TACC1: variants seen among roughly 807,000 people sequenced by gnomAD.
TACC1 encodes transforming acidic coiled-coil containing protein 1.
TACC1 carries 48 observed loss-of-function variants against 84.4 expected under a neutral mutation model. That is an observed-to-expected ratio of 0.57 (90% CI 0.45 to 0.72). The LOEUF (loss-of-function observed/expected upper bound fraction) is 0.72, where lower values mean the gene tolerates loss of function less well. Among genes scored for constraint, TACC1 ranks in the 30% least tolerant of loss-of-function variants. TACC1 has a pLI of 0.00. For synonymous variants in TACC1, 372 were observed against 376.3 expected, an observed-to-expected ratio of 0.99 and a Z score of 0.13; for missense variants, 920 against 973.0, an observed-to-expected ratio of 0.95 and a Z score of 0.72.
At chr8:38,817,474 T>G (rs1825685459) in intron 2 of TACC1, among the ~76,000 whole-genome samples, 3 of 152,240 alleles carry the variant, frequency 2.0e-5, no homozygotes, top group African/African-American at 7.2e-5. Context: ...GTTTCACAAC[T>G]GTATGACAGA....
chr8:38,801,210 GT>G (rs1821276594), intron 2 of TACC1, among the ~76,000 whole-genome samples: 1 of 152,058 alleles, frequency 6.6e-6, no homozygotes, highest in African/African-American at 2.4e-5. Context: ...GTCATTTGAA[GT>G]GCAAAAGTTC....
chr8:38,823,945 CATCT>C, intron 3 of TACC1: 2 of 1,324,462 alleles, frequency 1.5e-6, no homozygotes, highest in Non-Finnish European at 1.0e-6. Context: ...TTTTTTTCTC[CATCT>C]GTCTGTCTCT....
At chr8:38,738,341 C>T (rs1436442112) in intron 1 of TACC1, among the ~76,000 whole-genome samples, 3 of 151,644 alleles carry the variant, frequency 2.0e-5, no homozygotes, top group Non-Finnish European at 2.9e-5. Flanking sequence ...CCTGGGAGTT[C>T]GAGGCTACAG....
At chr8:38,783,092 ATCTATCTATC>A (rs1297581700), upstream of TACC1, among the ~76,000 whole-genome samples, 337 of 113,026 alleles carry the variant, frequency 3.0e-3, 1 homozygote, top group East Asian at 0.012. Flanking sequence ...CTATCTATCT[ATCTATCTATC>A]TATCTATATA....
chr8:38,801,046 T>C (rs189107050), intron 2 of TACC1, among the ~76,000 whole-genome samples: 39 of 152,374 alleles, frequency 2.6e-4, no homozygotes, highest in African/African-American at 8.2e-4. Flanking sequence ...TATTTGTATA[T>C]ATTCTTTAGA....
chr8:38,836,021 TA>T, intron 6 of TACC1, 140 bp from the exon 7 acceptor site: 1 of 1,151,094 alleles, frequency 8.7e-7, no homozygotes, highest in Non-Finnish European at 1.2e-6. Context: ...ATTTGTTTTT[TA>T]AAAAGCTTCC....
At chr8:38,839,250 AT>A in intron 8 of TACC1, 1 of 388,434 alleles carries the variant, frequency 2.6e-6, no homozygotes, top group Non-Finnish European at 4.6e-6. Context: ...CACCAAATAG[AT>A]GATAGAAAGC....
chr8:38,739,163 A>G (rs537356226), intron 1 of TACC1, among the ~76,000 whole-genome samples: 1 of 152,328 alleles, frequency 6.6e-6, no homozygotes, highest in Non-Finnish European at 1.5e-5. Context: ...TGCATGGGCC[A>G]CTGCACCCAG....
At position 38,847,965 on chromosome 8, in the gene TACC1, T is replaced by C; in HGVS notation, c.2360T>C (p.Ile787Thr). The C allele has an allele frequency of 1.2e-6, 2 of 1,613,924 alleles. No individual in the cohort carries two copies. Among genetic ancestry groups the C allele is most frequent in the Non-Finnish European group, 1.7e-6 (2 of 1,179,892 alleles). Residue 787 changes from isoleucine (I) to threonine (T), a missense_variant, in exon 13 of 13, where the codon ATT (isoleucine) becomes ACT (threonine). Physicochemically the swap from Ile to Thr is moderately conservative, Grantham distance 89 (BLOSUM62 -1). Coordinates refer to ENST00000317827, the MANE Select transcript of TACC1 (RefSeq NM_006283.3). Reference protein sequence around the residue: ...ERALQQKNQEIEELTKICDEL... With the variant: ...ERALQQKNQETEELTKICDEL... ...TCATTTGTCTTTCAGAACCAAGAAA[T>C]TGAAGAACTGACAAAAATCTGTGAT...
At chr8:38,744,587 G>A (rs62504155) in intron 2 of TACC1, among the ~76,000 whole-genome samples, 29 of 152,144 alleles carry the variant, frequency 1.9e-4, no homozygotes, top group African/African-American at 6.8e-4. Flanking sequence ...AAAGGGAGAA[G>A]TGATACTAGG....
intron 2 of TACC1, 44 bp downstream of exon 2, chr8:38,788,863 G>A (rs1415107809): frequency 1.5e-5 from 22 of 1,479,952 alleles, no homozygotes; most frequent in Non-Finnish European, 1.8e-5. Flanking sequence ...TGTTTCAAAA[G>A]TTTTGAAAAA....
intron 2 of TACC1, among the ~76,000 whole-genome samples, chr8:38,816,387 C>T (rs907328697): frequency 5.9e-5 from 9 of 152,188 alleles, no homozygotes; most frequent in Admixed American, 3.3e-4. Flanking sequence ...TTCTCAGATT[C>T]TCCAGCACCA....
intron 3 of TACC1, among the ~76,000 whole-genome samples, chr8:38,770,884 CAGAT>C (rs2151887166): frequency 6.6e-6 from 1 of 152,170 alleles, no homozygotes; most frequent in Non-Finnish European, 1.5e-5. Flanking sequence ...TTTTGCCAAA[CAGAT>C]GGGCCAGGAG....
chr8:38,827,564 C>T (rs1285363609), intron 5 of TACC1, 189 bp downstream of exon 5: 18 of 609,952 alleles, frequency 3.0e-5, no homozygotes, highest in Admixed American at 6.0e-5. Flanking sequence ...GTACTAGGAA[C>T]GTAGAGATAC....
intron 1 of TACC1, among the ~76,000 whole-genome samples, chr8:38,729,688 G>A (rs1262008390): frequency 6.6e-6 from 1 of 152,096 alleles, no homozygotes; most frequent in Non-Finnish European, 1.5e-5. Context: ...GGCCAATATG[G>A]TGGAACCCTA....
intron 1 of TACC1, among the ~76,000 whole-genome samples, chr8:38,731,695 C>A (rs1000778553): frequency 1.3e-5 from 2 of 152,082 alleles, no homozygotes; most frequent in Non-Finnish European, 1.5e-5. Context: ...AGCCTAGGAC[C>A]TTCAGGGAAG....
chr8:38,832,139 A>G (rs1250856286), intron 6 of TACC1, among the ~76,000 whole-genome samples: 1 of 152,192 alleles, frequency 6.6e-6, no homozygotes, highest in Non-Finnish European at 1.5e-5. Flanking sequence ...TAAACTTCCT[A>G]ATTCCCAACT....
intron 3 of TACC1, 89 bp from the exon 4 acceptor site, chr8:38,825,219 C>A: frequency 1.4e-6 from 2 of 1,386,912 alleles, no homozygotes; most frequent in Non-Finnish European, 2.1e-6. Context: ...TGGCTTCTAT[C>A]CGCACACACT....
At chr8:38,801,914 GTTGT>G (rs1821454306) in intron 2 of TACC1, among the ~76,000 whole-genome samples, 1 of 151,978 alleles carries the variant, frequency 6.6e-6, no homozygotes, top group Non-Finnish European at 1.5e-5. Context: ...TTTTGTTGTT[GTTGT>G]TTGTTTGTTT....
Sources: allele counts gnomAD v4.1 joint callset (sites outside exome capture counted in the v4.1 genomes callset), GRCh38; gene constraint gnomAD v4.1.1; transcripts MANE v1.5; gene names NCBI Gene and HGNC (gene_info 2026-07-23, HGNC 2026-07-21).